RGL1: variants seen among roughly 807,000 people sequenced by gnomAD.
RGL1 encodes ral guanine nucleotide dissociation stimulator like 1.
Under a neutral mutation model 95.2 loss-of-function variants are expected in RGL1, and 24 were observed. The observed-to-expected ratio is 0.25, with a 90% confidence interval of 0.18 to 0.35. The LOEUF is 0.35. Among genes scored for constraint, RGL1 ranks in the 10% least tolerant of loss-of-function variants. The pLI is 1.00. For missense variants in RGL1, 715 were observed against 936.3 expected (o/e 0.76, Z 3.08); for synonymous variants, 329 against 344.9 (o/e 0.95, Z 0.51).
At chr1:183,858,698 T>C (rs1665318135) in intron 3 of RGL1, among the ~76,000 whole-genome samples, 1 of 152,204 alleles carries the variant, frequency 6.6e-6, no homozygotes, top group East Asian at 1.9e-4. Context: ...TTTACATTTA[T>C]TTTTTGTGAA....
intron 2 of RGL1, among the ~76,000 whole-genome samples, chr1:183,829,809 C>T (rs1663136787): frequency 6.6e-6 from 1 of 152,110 alleles, no homozygotes. Flanking sequence ...GAAACGTTCT[C>T]TCTCTCACCA....
chr1:183,729,994 A>G (rs1314806162), intron 1 of RGL1, among the ~76,000 whole-genome samples: 1 of 152,160 alleles, frequency 6.6e-6, no homozygotes, highest in Non-Finnish European at 1.5e-5. Flanking sequence ...GGGGCTTAAG[A>G]GAATGATCTT....
chr1:183,790,229 C>T (rs1660380465), intron 2 of RGL1, among the ~76,000 whole-genome samples: 3 of 152,092 alleles, frequency 2.0e-5, no homozygotes, highest in African/African-American at 4.8e-5. Flanking sequence ...GCCTGGGCTC[C>T]AGGCTTTTTC....
At chr1:183,658,672 T>A (rs1361322586) in intron 1 of RGL1, among the ~76,000 whole-genome samples, 1 of 151,874 alleles carries the variant, frequency 6.6e-6, no homozygotes, top group Non-Finnish European at 1.5e-5. Context: ...TCTGCAGACT[T>A]AAGTGTCCCT....
At chr1:183,677,605 G>A (rs1354900457) in intron 1 of RGL1, among the ~76,000 whole-genome samples, 1 of 152,160 alleles carries the variant, frequency 6.6e-6, no homozygotes, top group Admixed American at 6.5e-5. Context: ...GTAAGCTGAG[G>A]TTACCCAATG....
chr1:183,683,274 T>G (rs1296786839), intron 1 of RGL1, among the ~76,000 whole-genome samples: 2 of 152,240 alleles, frequency 1.3e-5, no homozygotes, highest in Non-Finnish European at 2.9e-5. Flanking sequence ...TTGATGGTCT[T>G]TACAATTTGG....
At chr1:183,749,395 T>A (rs6684415) in intron 2 of RGL1, among the ~76,000 whole-genome samples, 107,409 of 151,890 alleles carry the variant, frequency 0.71, 38,461 homozygotes, top group East Asian at 0.91. Flanking sequence ...GTGTTTTTTG[T>A]TCTTTGTTGG....
intron 1 of RGL1, among the ~76,000 whole-genome samples, chr1:183,682,938 T>G (rs947772241): frequency 6.6e-6 from 1 of 151,870 alleles, no homozygotes; most frequent in Non-Finnish European, 1.5e-5. Flanking sequence ...TTCTTTGTCT[T>G]TGTTGATCTT....
At chr1:183,903,281 G>A (rs949627459) in intron 12 of RGL1, among the ~76,000 whole-genome samples, 13 of 152,078 alleles carry the variant, frequency 8.5e-5, no homozygotes, top group Non-Finnish European at 1.6e-4. Context: ...CTTCGTCTTC[G>A]GTGTAGGTAG....
chr1:183,921,633 G>A (rs1669313097), intron 16 of RGL1, among the ~76,000 whole-genome samples: 1 of 152,198 alleles, frequency 6.6e-6, no homozygotes. Context: ...CCTGTTGATG[G>A]AGATTCAGAT....
Position 183,892,021 on chromosome 1 carries a change from G to A in RGL1, c.1056-56G>A, listed in dbSNP as rs1667452411. The A allele has an allele frequency of 8.6e-6, 12 of 1,399,994 alleles. No homozygotes were observed. The Admixed American group carries it at 1.7e-4, about 20-fold the overall frequency. 86.7% of individuals were successfully genotyped at this position (1,399,994 alleles called of 1,614,324 possible). A position where few individuals can be genotyped will look rare whatever the true frequency, so the allele number is the denominator to read the frequency against. ...AGTCCTGAGGACAGCTGGGCCAAAA[G>A]TGTCGGGTTATTCCTAACTCTTCAT... On this transcript the variant is annotated intron_variant, in intron 8 of 17. Coordinates refer to ENST00000360851, the MANE Select transcript of RGL1 (RefSeq NM_001297671.3).
chr1:183,911,921 T>C (rs372934313), intron 14 of RGL1, among the ~76,000 whole-genome samples, 161 bp from the exon 15 acceptor site: 1 of 152,252 alleles, frequency 6.6e-6, no homozygotes, highest in African/African-American at 2.4e-5. Flanking sequence ...TGTTTACTAC[T>C]ATTTGTTAGA....
At chr1:183,653,641 C>A (rs1360107916) in intron 1 of RGL1, among the ~76,000 whole-genome samples, 2 of 152,152 alleles carry the variant, frequency 1.3e-5, no homozygotes, top group Non-Finnish European at 2.9e-5. Flanking sequence ...TGAGAGGGAG[C>A]AGAGAGTTGA....
At chr1:183,680,590 C>T (rs1455451123) in intron 1 of RGL1, among the ~76,000 whole-genome samples, 2 of 151,982 alleles carry the variant, frequency 1.3e-5, no homozygotes, top group African/African-American at 4.8e-5. Context: ...CCTTGTAGTA[C>T]ACTTTGAAGT....
chr1:183,638,338 C>T (rs1040594393), intron 1 of RGL1, among the ~76,000 whole-genome samples: 1 of 152,132 alleles, frequency 6.6e-6, no homozygotes, highest in Non-Finnish European at 1.5e-5. Flanking sequence ...ATGTCCTTTT[C>T]TAATGCAGTA....
intron 2 of RGL1, among the ~76,000 whole-genome samples, chr1:183,818,567 T>C (rs1441792844): frequency 1.4e-5 from 2 of 147,196 alleles, no homozygotes; most frequent in Non-Finnish European, 3.0e-5. Context: ...CCAAAAGCTG[T>C]ATTACAGCAC....
chr1:183,916,642 A>G lies in RGL1; in HGVS notation c.1945A>G (p.Thr649Ala), dbSNP rs759086298. ...TGTTTACAACCAACAGAATGAAGAC[A>G]CCTGCATAATCCGCATCAGTGTGGA... ...PPVYNQQNED[T>A]CIIRISVEDN... Residue 649 changes from threonine to alanine, a missense_variant, in exon 16 of 18, where the codon ACC becomes GCC. Around this residue, in one of 3 missense-constraint regions of RGL1, gnomAD observed 330 missense variants for 429.6 expected, o/e 0.77. Transcript: ENST00000360851. The G allele has an allele frequency of 6.2e-7, 1 of 1,613,766 alleles. No homozygotes were observed. Among genetic ancestry groups the G allele is most frequent in the Non-Finnish European group, 8.5e-7 (1 of 1,179,954 alleles).
intron 2 of RGL1, among the ~76,000 whole-genome samples, chr1:183,782,831 G>T (rs1365652434): frequency 6.6e-6 from 1 of 152,126 alleles, no homozygotes; most frequent in Non-Finnish European, 1.5e-5. Context: ...TGCCATGGGG[G>T]TGTAGACAAT....
intron 1 of RGL1, among the ~76,000 whole-genome samples, chr1:183,642,377 A>G (rs926067464): frequency 1.3e-5 from 2 of 152,216 alleles, no homozygotes; most frequent in Non-Finnish European, 2.9e-5. Flanking sequence ...GGCCAATGAT[A>G]TTCAATCAGC....
Sources: gnomAD v4.1 joint callset for allele counts (sites outside exome capture counted in the v4.1 genomes callset) on GRCh38, gnomAD v4.1.1 for gene constraint, gnomAD v4.1.1 regional missense constraint, MANE v1.5 for transcripts, NCBI Gene and HGNC (gene_info 2026-07-23, HGNC 2026-07-21) for gene names.